BRCA2: variants seen among roughly 807,000 people sequenced by gnomAD.
BRCA2 encodes the protein BRCA2 DNA repair associated.
Under a neutral mutation model 276.7 loss-of-function variants are expected in BRCA2, and 203 were observed. The ratio of observed to expected loss-of-function variants is 0.73; its 90% confidence interval spans 0.65 to 0.82. The LOEUF (loss-of-function observed/expected upper bound fraction) is 0.82, where lower values mean the gene tolerates loss of function less well. Among genes scored for constraint, BRCA2 ranks in the 40% least tolerant of loss-of-function variants. The probability of loss-of-function intolerance (pLI) is 0.00; values close to 1 mark genes in which losing one functional copy is unlikely to be tolerated. For missense variants in BRCA2, 3,920 were observed against 3,915.0 expected (o/e 1.00, Z -0.03); for synonymous variants, 1,289 against 1,338.4 (o/e 0.96, Z 0.81).
intron 13 of BRCA2, among the ~76,000 whole-genome samples, chr13:32,353,611 TC>T (rs1300534623): frequency 1.3e-5 from 2 of 152,192 alleles, no homozygotes; most frequent in Admixed American, 6.5e-5. Flanking sequence ...TTTGTCTGTT[TC>T]CTTCCACTGA....
chr13:32,334,453 A>G (rs1035933453), intron 10 of BRCA2, among the ~76,000 whole-genome samples: 4 of 152,132 alleles, frequency 2.6e-5, no homozygotes, highest in Non-Finnish European at 2.9e-5. Context: ...AGGCAGGAGG[A>G]TCACTTATGG....
chr13:32,370,937 G>A lies in BRCA2; in HGVS notation c.8488-19G>A, dbSNP rs398122607. On this transcript the variant is annotated intron_variant, in intron 19 of 26. Coordinates refer to ENST00000380152, the MANE Select transcript of BRCA2 (RefSeq NM_000059.4). The stretch of plus-strand genomic sequence containing the variant: ...GTTATATATGTGACTTTTTTGGTGT[G>A]TGTAACACATTATTACAGTGGATGG... 19 of 1,613,516 alleles carry A rather than the reference G, an allele frequency of 1.2e-5. No homozygotes were observed. The Admixed American group carries it at 3.0e-4, about 25-fold the overall frequency.
At chr13:32,322,342 A>T (rs944416199) in intron 3 of BRCA2, among the ~76,000 whole-genome samples, 5 of 152,244 alleles carry the variant, frequency 3.3e-5, no homozygotes, top group African/African-American at 4.8e-5. Flanking sequence ...AATTAAAGGC[A>T]CACAGAAATA....
chr13:32,392,895 TC>T (rs999706061), intron 24 of BRCA2, among the ~76,000 whole-genome samples: 1 of 152,232 alleles, frequency 6.6e-6, no homozygotes, highest in Admixed American at 6.5e-5. Flanking sequence ...CTTTAATACT[TC>T]CTGTCTTCTT....
chr13:32,330,652 G>A (rs1192465648), intron 8 of BRCA2, among the ~76,000 whole-genome samples: 1 of 152,154 alleles, frequency 6.6e-6, no homozygotes, highest in East Asian at 1.9e-4. Context: ...GCAAGATGGT[G>A]CAAGTTTTTT....
intron 11 of BRCA2, among the ~76,000 whole-genome samples, chr13:32,344,096 A>G (rs2072592374): frequency 6.6e-6 from 1 of 151,920 alleles, no homozygotes; most frequent in Non-Finnish European, 1.5e-5. Flanking sequence ...TAATTGTAAA[A>G]AGCCTCTTAA....
chr13:32,320,910 C>T (rs903454826), intron 3 of BRCA2, among the ~76,000 whole-genome samples: 2 of 152,124 alleles, frequency 1.3e-5, no homozygotes, highest in African/African-American at 4.8e-5. Flanking sequence ...AGATTCCAGG[C>T]CCCACTCTGA....
intron 2 of BRCA2, among the ~76,000 whole-genome samples, chr13:32,318,630 A>T (rs2072280666): frequency 6.6e-6 from 1 of 151,930 alleles, no homozygotes; most frequent in Non-Finnish European, 1.5e-5. Context: ...TTTAGTAAAG[A>T]TGGGGTTTCA....
chr13:32,327,610 T>C (rs746133778), intron 7 of BRCA2, among the ~76,000 whole-genome samples: 5 of 149,342 alleles, frequency 3.3e-5, no homozygotes, highest in African/African-American at 5.0e-5. Flanking sequence ...GCGGATCTTG[T>C]AGTGATCTGA....
intron 12 of BRCA2, 32 bp from the exon 13 acceptor site, chr13:32,346,795 C>G (rs1382248840): frequency 6.6e-7 from 1 of 1,526,286 alleles, no homozygotes; most frequent in Non-Finnish European, 9.0e-7. Context: ...TAGATTTTAA[C>G]TAATATGTAA....
chr13:32,391,679 C>A (rs368757595), intron 24 of BRCA2, among the ~76,000 whole-genome samples: 22 of 152,352 alleles, frequency 1.4e-4, no homozygotes, highest in African/African-American at 5.3e-4. Flanking sequence ...TTGAAGAATT[C>A]TATGCAAGTT....
intron 24 of BRCA2, among the ~76,000 whole-genome samples, chr13:32,393,698 ATTACT>A (rs1416575137): frequency 6.6e-6 from 1 of 152,114 alleles, no homozygotes; most frequent in East Asian, 1.9e-4. Flanking sequence ...AGATAGGCTC[ATTACT>A]TTACTGTGGA....
chr13:32,358,675 G>A lies in BRCA2; in HGVS notation c.7805+746G>A, dbSNP rs941742619. Among the ~76,000 whole-genome samples the A allele has an allele frequency of 4.0e-5, 6 of 149,006 alleles. No individual in the cohort carries two copies. In the South Asian group the frequency reaches 1.1e-3, roughly 27 times the overall value. On this transcript the variant is annotated intron_variant, in intron 16 of 26. Transcript: ENST00000380152. Reference sequence around the variant, plus strand: ...CAGCCAGGCGCGGTGGCTCACGCCTGTAGTCCCAACACTTCGGAAGGCCAA... The same window carrying A: ...CAGCCAGGCGCGGTGGCTCACGCCTATAGTCCCAACACTTCGGAAGGCCAA...
At chr13:32,323,318 G>A (rs1183439885) in intron 3 of BRCA2, among the ~76,000 whole-genome samples, 2 of 151,910 alleles carry the variant, frequency 1.3e-5, no homozygotes, top group African/African-American at 4.8e-5. Flanking sequence ...ACACCTGGCT[G>A]ATTTTTTTGT....
chr13:32,344,716 C>T (rs2072599635), intron 12 of BRCA2, 63 bp downstream of exon 12: 1 of 1,193,430 alleles, frequency 8.4e-7, no homozygotes, highest in Non-Finnish European at 1.2e-6. Flanking sequence ...AATATTCTGA[C>T]CTCAGGTGAT....
chr13:32,360,545 A>AT (rs2072731572), intron 16 of BRCA2, among the ~76,000 whole-genome samples: 3 of 152,124 alleles, frequency 2.0e-5, no homozygotes, highest in Non-Finnish European at 4.4e-5. Context: ...TTTTTAGTAG[A>AT]GACAGGGTTT....
chr13:32,357,484 C>A (rs1367787041), intron 15 of BRCA2, among the ~76,000 whole-genome samples: 2 of 152,156 alleles, frequency 1.3e-5, no homozygotes, highest in African/African-American at 4.8e-5. Flanking sequence ...CTCACAGTAC[C>A]TTCCTATGGC....
chr13:32,338,226 CA>C lies in BRCA2; in HGVS notation c.3873del (p.Gln1291HisfsTer2), dbSNP rs398122772. On this transcript the variant is annotated frameshift_variant, in exon 11 of 27. Coordinates refer to ENST00000380152, the MANE Select transcript of BRCA2 (RefSeq NM_000059.4). LOFTEE classifies it high-confidence loss of function. Reference protein sequence around the residue: ...KTVSEKNNKCQLILQNNIEMT... With the variant: ...KTVSEKNNKCXLILQNNIEMT... ...TGTAAGTGAAAAAAATAATAAATGC[CA>C]ACTGATATTACAAAATAATATTGAA... 3.3e-6 allele frequency: 5 copies of C among 1,536,244 alleles called. No individual in the cohort carries two copies. Among genetic ancestry groups the C allele is most frequent in the Non-Finnish European group, 4.4e-6 (5 of 1,139,304 alleles).
At chr13:32,363,126 T>C in intron 17 of BRCA2, 53 bp from the exon 18 acceptor site, 2 of 1,445,568 alleles carry the variant, frequency 1.4e-6, no homozygotes, top group Non-Finnish European at 1.9e-6. Flanking sequence ...GTTTAAACAG[T>C]GGAATTCTAG....
Sources: gnomAD v4.1 joint callset for allele counts (sites outside exome capture counted in the v4.1 genomes callset) on GRCh38, gnomAD v4.1.1 for gene constraint, MANE v1.5 for transcripts, NCBI Gene and HGNC (gene_info 2026-07-23, HGNC 2026-07-21) for gene names.